The following FBXO36 variants were observed in gnomAD, a reference collection of about 807,000 sequenced individuals.
The protein encoded by FBXO36 is F-box protein 36.
In FBXO36, 18 loss-of-function variants were observed where a neutral mutation model predicts 17.0. That is an observed-to-expected ratio of 1.06 (90% CI 0.73 to 1.57). The LOEUF (loss-of-function observed/expected upper bound fraction) is 1.57, where lower values mean the gene tolerates loss of function less well. FBXO36 is among the 40% of genes most tolerant of loss of function. The pLI, the probability that FBXO36 is intolerant of heterozygous loss-of-function variation, is 0.00. For missense variants in FBXO36, 229 were observed against 221.9 expected (o/e 1.03, Z -0.20); for synonymous variants, 83 against 85.3 (o/e 0.97, Z 0.15).
Position 229,969,564 on chromosome 2 carries a change from TG to T in FBXO36, c.97-6676del, listed in dbSNP as rs200124641. Among the ~76,000 whole-genome samples, 1,110 of 152,238 alleles carry T rather than the reference TG, an allele frequency of 7.3e-3. 8 individuals are homozygous for T. The highest frequency in any genetic ancestry group is 0.012 in the Non-Finnish European group (833 of 68,008). Reference sequence around the variant, plus strand: ...TTAGCCGGGCGTGGTGGCACATGCCTGTAGTCCCAGCTACTCAGTAGGCTGA... The same window carrying T: ...TTAGCCGGGCGTGGTGGCACATGCCTTAGTCCCAGCTACTCAGTAGGCTGA... On this transcript the variant is annotated intron_variant, in intron 1 of 3. Transcript: ENST00000283946.
chr2:229,997,145 A>G (rs543528603), intron 3 of FBXO36, among the ~76,000 whole-genome samples: 2 of 152,162 alleles, frequency 1.3e-5, no homozygotes, highest in African/African-American at 4.8e-5. Flanking sequence ...TGATCAGTTC[A>G]ACAAGGGATG....
chr2:229,929,764 C>T (rs909093206), intron 1 of FBXO36, among the ~76,000 whole-genome samples: 1 of 152,052 alleles, frequency 6.6e-6, no homozygotes, highest in Non-Finnish European at 1.5e-5. Context: ...GAGGCTGAGG[C>T]AGGAGAATTG....
chr2:229,924,282 G>A (rs1484131458), intron 1 of FBXO36, among the ~76,000 whole-genome samples: 1 of 151,830 alleles, frequency 6.6e-6, no homozygotes, highest in Non-Finnish European at 1.5e-5. Context: ...TAATAGAGAC[G>A]GGGTTTCGCC....
chr2:229,992,806 A>G (rs940090077), intron 2 of FBXO36, among the ~76,000 whole-genome samples: 4 of 152,182 alleles, frequency 2.6e-5, no homozygotes, highest in African/African-American at 9.7e-5. Flanking sequence ...ATGGGGTTGA[A>G]TGGCACCTCA....
At chr2:229,962,075 A>G (rs1028376974) in intron 1 of FBXO36, among the ~76,000 whole-genome samples, 2 of 151,950 alleles carry the variant, frequency 1.3e-5, no homozygotes, top group Non-Finnish European at 1.5e-5. Context: ...CCCAGCTACC[A>G]GGGAGGCTGA....
intron 1 of FBXO36, among the ~76,000 whole-genome samples, chr2:229,949,150 T>C (rs2077042386): frequency 6.6e-6 from 1 of 152,180 alleles, no homozygotes; most frequent in Non-Finnish European, 1.5e-5. Flanking sequence ...GCCTCTTTTT[T>C]TTACATAAAT....
intron 2 of FBXO36, among the ~76,000 whole-genome samples, chr2:229,979,861 A>G (rs2106197702): frequency 6.6e-6 from 1 of 152,164 alleles, no homozygotes; most frequent in Middle Eastern, 3.4e-3. Context: ...AGAGAAGAAA[A>G]TGTGACTGAG....
chr2:229,954,840 C>G (rs1239269734), intron 1 of FBXO36, among the ~76,000 whole-genome samples: 3 of 151,430 alleles, frequency 2.0e-5, no homozygotes, highest in Non-Finnish European at 4.4e-5. Context: ...AGCCACCATG[C>G]CTGGCGTTTT....
chr2:229,979,704 C>T (rs373608909), intron 2 of FBXO36, among the ~76,000 whole-genome samples: 1 of 150,850 alleles, frequency 6.6e-6, no homozygotes, highest in Non-Finnish European at 1.5e-5. Context: ...CACTTGAACC[C>T]GGGAGGCGGA....
At chr2:229,997,068 C>A in intron 3 of FBXO36, 145 bp downstream of exon 3, 2 of 718,924 alleles carry the variant, frequency 2.8e-6, no homozygotes, top group Admixed American at 5.4e-5. Flanking sequence ...AATGACATTC[C>A]TCCCCTCAAA....
chr2:229,959,936 T>C (rs2077111939), intron 1 of FBXO36, among the ~76,000 whole-genome samples: 1 of 152,048 alleles, frequency 6.6e-6, no homozygotes, highest in Admixed American at 6.6e-5. Flanking sequence ...TCTGTTGAAG[T>C]GTACAGTTAA....
intron 2 of FBXO36, chr2:229,976,597 G>A (rs1304286069): frequency 2.0e-5 from 6 of 303,196 alleles, no homozygotes; most frequent in Non-Finnish European, 3.7e-5. Context: ...GAGGCGGGTG[G>A]ATCATGATGT....
At chr2:229,985,967 G>A (rs1415163704) in intron 2 of FBXO36, among the ~76,000 whole-genome samples, 1 of 152,136 alleles carries the variant, frequency 6.6e-6, no homozygotes, top group Non-Finnish European at 1.5e-5. Context: ...AGGATGGCTT[G>A]AGCTAGGAGG....
intron 1 of FBXO36, among the ~76,000 whole-genome samples, chr2:229,963,173 C>G (rs1269429119): frequency 1.3e-5 from 2 of 151,758 alleles, no homozygotes; most frequent in East Asian, 3.9e-4. Context: ...TCAAGCGATT[C>G]TTCTGCCTCA....
chr2:229,966,593 A>C (rs1323879184), intron 1 of FBXO36, among the ~76,000 whole-genome samples: 1 of 152,174 alleles, frequency 6.6e-6, no homozygotes, highest in African/African-American at 2.4e-5. Flanking sequence ...TCAGCTTTCT[A>C]CATATGGCTA....
chr2:229,966,777 A>G (rs2077155351), intron 1 of FBXO36, among the ~76,000 whole-genome samples: 1 of 152,142 alleles, frequency 6.6e-6, no homozygotes, highest in Admixed American at 6.6e-5. Context: ...TGTTTTGGTT[A>G]CTGTAGCCTT....
chr2:229,935,292 C>T (rs1259271539), intron 1 of FBXO36, among the ~76,000 whole-genome samples: 1 of 152,140 alleles, frequency 6.6e-6, no homozygotes, highest in Non-Finnish European at 1.5e-5. Flanking sequence ...TCAGATGCAC[C>T]AGCTCAGCAC....
chr2:229,922,504 G>T lies in FBXO36; in HGVS notation c.-10G>T, dbSNP rs767828636. The T allele has an allele frequency of 1.9e-6, 3 of 1,613,934 alleles. No individual in the cohort carries two copies. Among genetic ancestry groups the T allele is most frequent in the Non-Finnish European group, 1.7e-6 (2 of 1,179,920 alleles). ...CCTGGTTGTCTTAGCGACGGCGGTG[G>T]CGTCCCAAGATGGCGTCGTGGCTGC... On this transcript the variant is annotated 5_prime_UTR_variant, in exon 1 of 4. Coordinates refer to ENST00000283946, the MANE Select transcript of FBXO36 (RefSeq NM_174899.5).
intron 3 of FBXO36, among the ~76,000 whole-genome samples, chr2:230,009,972 A>T (rs941546820): frequency 2.1e-4 from 31 of 145,726 alleles, no homozygotes; most frequent in African/African-American, 7.9e-4. Flanking sequence ...AGATAAAAAA[A>T]TAGATAAGGC....
Sources: gnomAD v4.1 joint callset for allele counts (sites outside exome capture counted in the v4.1 genomes callset) on GRCh38, gnomAD v4.1.1 for gene constraint, MANE v1.5 for transcripts, NCBI Gene and HGNC (gene_info 2026-07-23, HGNC 2026-07-21) for gene names.